The following MYO9A variants were observed in gnomAD, a reference collection of about 807,000 sequenced individuals.
MYO9A encodes the protein myosin IXA.
Under a neutral mutation model 293.3 loss-of-function variants are expected in MYO9A, and 103 were observed. That is an observed-to-expected ratio of 0.35 (90% confidence interval 0.30 to 0.41). MYO9A has a LOEUF of 0.41. MYO9A is among the 10% of genes least tolerant of loss of function. MYO9A has a pLI of 1.00. For missense variants in MYO9A, 2,685 were observed against 3,033.0 expected (o/e 0.89, Z 2.69); for synonymous variants, 1,001 against 1,035.7 (o/e 0.97, Z 0.64).
At chr15:71,857,725 T>C (rs915223329) in intron 34 of MYO9A, among the ~76,000 whole-genome samples, 1 of 152,004 alleles carries the variant, frequency 6.6e-6, no homozygotes, top group South Asian at 2.1e-4. Context: ...TGAATATTGA[T>C]AGGTAAAAGT....
At chr15:72,101,247 G>C (rs1385826829) in intron 1 of MYO9A, among the ~76,000 whole-genome samples, 1 of 132,080 alleles carries the variant, frequency 7.6e-6, no homozygotes, top group South Asian at 2.5e-4. Flanking sequence ...GGAGGTGGGG[G>C]GGTCAGCCCC....
rs1405216094 is a variant in MYO9A, at chr15:72,046,385, C to A, written c.179G>T (p.Cys60Phe). The A allele has an allele frequency of 6.2e-7, 1 of 1,614,152 alleles. No individual in the cohort carries two copies. Among genetic ancestry groups the A allele is most frequent in the Non-Finnish European group, 8.5e-7 (1 of 1,180,030 alleles). The change falls in exon 2 of 42, where the codon TGT (cysteine) becomes TTT (phenylalanine). Residue 60 changes from cysteine to phenylalanine, a missense_variant. Around this residue, in one of 10 missense-constraint regions of MYO9A, gnomAD observed 22 missense variants for 47.2 expected, o/e 0.47. Coordinates refer to ENST00000356056, the MANE Select transcript of MYO9A (RefSeq NM_006901.4). Reference sequence around the variant, plus strand: ...TTCCTTTACCTCTGCTAGAACATAACATTTTGTTTTGTCAAGATGAAGTTT... The same window carrying A: ...TTCCTTTACCTCTGCTAGAACATAAAATTTTGTTTTGTCAAGATGAAGTTT... ...INKLHLDKTK[C>F]YVLAEVKEFG...
At position 72,010,462 on chromosome 15, in the gene MYO9A, TA is replaced by T. The variant is rs552395633; in HGVS notation, c.1156-16del. 4.1e-5 allele frequency: 66 copies of T among 1,596,324 alleles called. 1 individual carries two copies. The South Asian group carries it at 6.9e-4, about 17-fold the overall frequency. On this transcript the variant is annotated splice_polypyrimidine_tract_variant and intron_variant, in intron 6 of 41. Coordinates refer to ENST00000356056, the MANE Select transcript of MYO9A (RefSeq NM_006901.4). ...GTGAAGCAATCCTGCTTATTTAAAA[TA>T]AAAGTTTAAAAATCAAGATTATATA... is the stretch of plus-strand genomic sequence containing the variant.
intron 18 of MYO9A, among the ~76,000 whole-genome samples, chr15:71,923,970 G>A (rs557013070): frequency 6.6e-6 from 1 of 151,990 alleles, no homozygotes; most frequent in South Asian, 2.1e-4. Context: ...ACTTACTAAC[G>A]TAGACAATTA....
chr15:71,983,217 C>G (rs1299652764), intron 11 of MYO9A, among the ~76,000 whole-genome samples: 1 of 151,582 alleles, frequency 6.6e-6, no homozygotes, highest in Admixed American at 6.6e-5. Flanking sequence ...TTGCTTTCTT[C>G]TGGATTGAGT....
intron 11 of MYO9A, among the ~76,000 whole-genome samples, chr15:71,987,014 A>G (rs964979253): frequency 3.3e-5 from 5 of 152,120 alleles, no homozygotes; most frequent in African/African-American, 1.2e-4. Context: ...TATCTTTTAT[A>G]TTGTATTTTT....
intron 1 of MYO9A, among the ~76,000 whole-genome samples, chr15:72,065,059 T>G (rs1045579382): frequency 6.6e-6 from 1 of 152,158 alleles, no homozygotes; most frequent in South Asian, 2.1e-4. Flanking sequence ...AAAACAAAGA[T>G]GCCACTGCAA....
intron 11 of MYO9A, among the ~76,000 whole-genome samples, chr15:71,983,007 A>C (rs2076314094): frequency 6.6e-6 from 1 of 152,070 alleles, no homozygotes; most frequent in Non-Finnish European, 1.5e-5. Flanking sequence ...TCATCCTTTT[A>C]ATCTTTCTAT....
intron 39 of MYO9A, among the ~76,000 whole-genome samples, chr15:71,832,717 G>A (rs1039364201): frequency 2.2e-4 from 33 of 152,126 alleles, no homozygotes; most frequent in Admixed American, 1.3e-3. Flanking sequence ...AAAATGTCTC[G>A]AAGAAAAGTT....
At chr15:71,920,570 C>G (rs1260252444) in intron 18 of MYO9A, among the ~76,000 whole-genome samples, 1 of 152,148 alleles carries the variant, frequency 6.6e-6, no homozygotes. Flanking sequence ...TTATAAATTA[C>G]CCAATCTAAA....
chr15:71,889,414 T>C (rs919829306), intron 26 of MYO9A: 3 of 148,416 alleles, frequency 2.0e-5, no homozygotes, highest in African/African-American at 7.4e-5. Flanking sequence ...TAATTAGCCC[T>C]AGACTGAGTA....
intron 1 of MYO9A, among the ~76,000 whole-genome samples, chr15:72,103,276 GAAGCAGCAGC>G (rs1226657824): frequency 2.3e-4 from 35 of 148,956 alleles, no homozygotes; most frequent in Non-Finnish European, 4.6e-4. Context: ...GGCAGCAGCA[GAAGCAGCAGC>G]AAGCAGCAGC....
rs936606742 is a variant in MYO9A, at chr15:71,876,333, C to T, written c.5932-495G>A. On this transcript the variant is annotated intron_variant, in intron 31 of 41. Transcript: ENST00000356056. ...TGGCTATTTTTGTATTTTTTGAGACCGGCTGGTCTCAAACCCCTGACTTCA... is the reference window on the plus strand; with the variant it reads ...TGGCTATTTTTGTATTTTTTGAGACTGGCTGGTCTCAAACCCCTGACTTCA... 5.3e-5 allele frequency among the ~76,000 whole-genome samples: 8 copies of T among 150,552 alleles called. No individual in the cohort carries two copies. In the East Asian group the frequency reaches 9.7e-4, roughly 18 times the overall value.
chr15:71,954,501 C>T (rs1018845107), intron 14 of MYO9A, among the ~76,000 whole-genome samples: 1 of 152,230 alleles, frequency 6.6e-6, no homozygotes, highest in Non-Finnish European at 1.5e-5. Context: ...CCGCACCCAG[C>T]CTACTCATCA....
intron 25 of MYO9A, among the ~76,000 whole-genome samples, chr15:71,896,124 C>G (rs1157821774): frequency 6.6e-6 from 1 of 152,138 alleles, no homozygotes; most frequent in Non-Finnish European, 1.5e-5. Context: ...TGTCATTAAG[C>G]TCAACTGCAC....
intron 18 of MYO9A, among the ~76,000 whole-genome samples, chr15:71,930,394 A>T (rs962515833): frequency 6.6e-6 from 1 of 152,148 alleles, no homozygotes; most frequent in Non-Finnish European, 1.5e-5. Flanking sequence ...TGTTGGGTGC[A>T]TATATATTTA....
chr15:71,901,772 T>C (rs929278913), intron 22 of MYO9A, among the ~76,000 whole-genome samples: 15 of 152,128 alleles, frequency 9.9e-5, no homozygotes, highest in African/African-American at 2.7e-4. Flanking sequence ...CATTAGTCCA[T>C]TGGGGAAACC....
chr15:72,103,169 C>G (rs1426247398), intron 1 of MYO9A, among the ~76,000 whole-genome samples: 2 of 148,888 alleles, frequency 1.3e-5, no homozygotes, highest in Non-Finnish European at 3.0e-5. Context: ...GCACTCCAGC[C>G]TGGGTGGCAG....
chr15:72,053,034 C>T (rs773095480), intron 1 of MYO9A, among the ~76,000 whole-genome samples: 1 of 152,156 alleles, frequency 6.6e-6, no homozygotes, highest in African/African-American at 2.4e-5. Context: ...TCCACAAAGC[C>T]AAAAACTTTT....
Sources: allele counts gnomAD v4.1 joint callset (sites outside exome capture counted in the v4.1 genomes callset), GRCh38; gene constraint gnomAD v4.1.1; regional missense constraint gnomAD v4.1.1; transcripts MANE v1.5; gene names NCBI Gene and HGNC (gene_info 2026-07-23, HGNC 2026-07-21).